SOS1: variants seen among roughly 807,000 people sequenced by gnomAD.
SOS1 encodes the protein son of sevenless homolog 1.
A neutral mutation model predicts 157.6 loss-of-function variants in SOS1; 25 were observed. The observed-to-expected ratio is 0.16, with a 90% CI of 0.12 to 0.22. The LOEUF (loss-of-function observed/expected upper bound fraction) is 0.22, where lower values mean the gene tolerates loss of function less well. Among genes scored for constraint, SOS1 ranks in the 10% least tolerant of loss-of-function variants. The probability of loss-of-function intolerance (pLI) is 1.00; values close to 1 mark genes in which losing one functional copy is unlikely to be tolerated. For synonymous variants in SOS1, 528 were observed against 534.0 expected (o/e 0.99, Z 0.16); for missense variants, 1,237 against 1,599.1 (o/e 0.77, Z 3.86).
chr2:38,996,822 T>C, intron 19 of SOS1, 100 bp downstream of exon 19: 1 of 748,274 alleles, frequency 1.3e-6, no homozygotes, highest in Admixed American at 1.8e-5. Context: ...TCATTACTTT[T>C]AACTATCACA....
chr2:39,104,959 G>A (rs1673110599), intron 1 of SOS1, among the ~76,000 whole-genome samples: 2 of 152,110 alleles, frequency 1.3e-5, no homozygotes, highest in Non-Finnish European at 2.9e-5. Context: ...TGTAATTAAT[G>A]GCCTTCAATT....
At position 38,985,615 on chromosome 2, in the gene SOS1, G is replaced by T; in HGVS notation, c.*209C>A. ...TGCAATCAGTTGTCCAATTCCTCTA[G>T]GTCGGTCTTTCCATATTCTAAACTG... is the stretch of plus-strand genomic sequence containing the variant. On this transcript the variant is annotated 3_prime_UTR_variant, in exon 23 of 23. Transcript: ENST00000402219. The T allele has an allele frequency of 1.7e-6, 1 of 583,338 alleles. No homozygotes were observed. Among genetic ancestry groups the T allele is most frequent in the Non-Finnish European group, 3.0e-6 (1 of 332,326 alleles). 36.1% of individuals were successfully genotyped at this position (583,338 alleles called of 1,614,324 possible). A position where few individuals can be genotyped will look rare whatever the true frequency, so the allele number is the denominator to read the frequency against.
At position 38,983,499 on chromosome 2, in the gene SOS1, T is replaced by G. The variant is rs1401684771; in HGVS notation, c.*2325A>C. ...CCATGGGGTAGAAGAATAGTTCCCT[T>G]TGGGAGAAATAGGATTAGAACTCCA... is the stretch of plus-strand genomic sequence containing the variant. On this transcript the variant is annotated 3_prime_UTR_variant, in exon 23 of 23. Coordinates refer to ENST00000402219, the MANE Select transcript of SOS1 (RefSeq NM_005633.4). The G allele has an allele frequency of 6.6e-6, 1 of 152,168 alleles. No homozygotes were observed. Among genetic ancestry groups the G allele is most frequent in the African/African-American group, 2.4e-5 (1 of 41,444 alleles). 9.4% of individuals were successfully genotyped at this position (152,168 alleles called of 1,614,324 possible).
intron 1 of SOS1, among the ~76,000 whole-genome samples, chr2:39,096,394 T>C (rs1558511348): frequency 6.6e-6 from 1 of 152,238 alleles, no homozygotes; most frequent in Admixed American, 6.5e-5. Flanking sequence ...CTTTCTCATA[T>C]GTTTTAAGAC....
chr2:39,119,803 T>A (rs1292992323), intron 1 of SOS1, among the ~76,000 whole-genome samples: 1 of 152,160 alleles, frequency 6.6e-6, no homozygotes, highest in Non-Finnish European at 1.5e-5. Flanking sequence ...CCAGCCCCTG[T>A]TAATCGGAGG....
chr2:38,993,816 G>C (rs1471293223), intron 20 of SOS1: 1 of 152,154 alleles, frequency 6.6e-6, no homozygotes, highest in African/African-American at 2.4e-5. Context: ...AAATTAGGGG[G>C]AACTTGATTA....
intron 1 of SOS1, among the ~76,000 whole-genome samples, chr2:39,103,128 A>C (rs981335518): frequency 1.3e-5 from 2 of 152,176 alleles, no homozygotes; most frequent in Non-Finnish European, 2.9e-5. Flanking sequence ...TTTACCCTGA[A>C]AACTACAATA....
At chr2:39,057,425 C>G (rs1671248693) in intron 3 of SOS1, among the ~76,000 whole-genome samples, 2 of 151,920 alleles carry the variant, frequency 1.3e-5, no homozygotes, top group African/African-American at 2.4e-5. Flanking sequence ...GTTAAATAGC[C>G]CTAATATTAA....
rs997686013 is a variant in SOS1 at position 39,103,864 on chromosome 2, T to C, written c.87+16472A>G. Among the ~76,000 whole-genome samples the C allele has an allele frequency of 7.2e-5, 11 of 152,242 alleles. No individual in the cohort carries two copies. In the South Asian group the frequency reaches 1.0e-3, roughly 14 times the overall value. On this transcript the variant is annotated intron_variant, in intron 1 of 22. Coordinates refer to ENST00000402219, the MANE Select transcript of SOS1 (RefSeq NM_005633.4). ...TCAAGAAACTAAAAAGATAAACTTT[T>C]GATTGGGTTTAAATGAGAGAAAATA...
intron 1 of SOS1, among the ~76,000 whole-genome samples, chr2:39,080,452 T>C (rs1029598296): frequency 2.0e-4 from 31 of 152,314 alleles, no homozygotes; most frequent in Middle Eastern, 3.4e-3. Flanking sequence ...GTCTGTAGCC[T>C]GGGGGTTGGG....
At chr2:39,106,834 G>T (rs576506518) in intron 1 of SOS1, among the ~76,000 whole-genome samples, 3 of 152,146 alleles carry the variant, frequency 2.0e-5, no homozygotes, top group African/African-American at 7.2e-5. Context: ...GACTATTCAC[G>T]AACTTACTGC....
At chr2:39,088,075 T>TA (rs1196489968) in intron 1 of SOS1, among the ~76,000 whole-genome samples, 4 of 148,550 alleles carry the variant, frequency 2.7e-5, no homozygotes, top group Non-Finnish European at 5.9e-5. Context: ...GAATTAAACA[T>TA]AAAAATCTAG....
chr2:39,067,830 G>A (rs2148140840), intron 1 of SOS1, 77 bp from the exon 2 acceptor site: 1 of 1,389,608 alleles, frequency 7.2e-7, no homozygotes. Context: ...AAAAAATGTG[G>A]GTTTGTGGCC....
intron 14 of SOS1, among the ~76,000 whole-genome samples, chr2:39,011,719 C>T (rs978740029): frequency 6.6e-6 from 1 of 152,074 alleles, no homozygotes; most frequent in Non-Finnish European, 1.5e-5. Context: ...TTTATTGAGC[C>T]CTTACTTTGT....
intron 1 of SOS1, among the ~76,000 whole-genome samples, chr2:39,088,863 TTTAG>T (rs1447822728): frequency 6.6e-6 from 1 of 152,212 alleles, no homozygotes; most frequent in African/African-American, 2.4e-5. Context: ...TAATTCTATA[TTTAG>T]TTTTTTGATG....
At chr2:39,013,802 A>T (rs1669540123) in intron 12 of SOS1, 65 bp downstream of exon 12, 1 of 1,411,742 alleles carries the variant, frequency 7.1e-7, no homozygotes, top group Non-Finnish European at 1.0e-6. Context: ...AAAGGTCCTT[A>T]TATACTTCAA....
At chr2:39,094,067 A>G (rs561721906) in intron 1 of SOS1, among the ~76,000 whole-genome samples, 1 of 152,344 alleles carries the variant, frequency 6.6e-6, no homozygotes, top group South Asian at 2.1e-4. Context: ...GTAGAAACAG[A>G]AAATGAGAAT....
In SOS1 at chr2:39,051,191, C is replaced by G; in HGVS notation, c.817G>C (p.Gly273Arg). ...IEDTVEMTDE[G>R]SPHPLVGSCF... is the part of the protein sequence containing the mutation. ...CTTCCTACTAGTGGATGGGGACTGCCTTCATCTGTCATTTCTACTGTATCT... is the reference window on the plus strand; with the variant it reads ...CTTCCTACTAGTGGATGGGGACTGCGTTCATCTGTCATTTCTACTGTATCT... The change falls in exon 6 of 23, where the codon GGC becomes CGC. Residue 273 changes from glycine (G) to arginine (R), a missense_variant. Gly to Arg is a moderately radical substitution (Grantham distance 125). This residue lies in a region of SOS1 where 108 missense variants were observed against 115.3 expected (regional missense o/e 0.94). Coordinates refer to ENST00000402219, the MANE Select transcript of SOS1 (RefSeq NM_005633.4). 1 of 1,613,706 alleles carries G rather than the reference C, an allele frequency of 6.2e-7. No homozygotes were observed. Among genetic ancestry groups the G allele is most frequent in the Non-Finnish European group, 8.5e-7 (1 of 1,179,726 alleles).
At chr2:39,023,659 T>C in intron 9 of SOS1, 2 of 265,994 alleles carry the variant, frequency 7.5e-6, no homozygotes, top group Non-Finnish European at 1.4e-5. Flanking sequence ...TTATCTGAAT[T>C]AATGCCTCAA....
Sources: gnomAD v4.1 joint callset for allele counts (sites outside exome capture counted in the v4.1 genomes callset) on GRCh38, gnomAD v4.1.1 for gene constraint, gnomAD v4.1.1 regional missense constraint, MANE v1.5 for transcripts, NCBI Gene and HGNC (gene_info 2026-07-23, HGNC 2026-07-21) for gene names.